The following NDC80 variants were observed in gnomAD, a reference collection of about 807,000 sequenced individuals.
NDC80 encodes the protein kinetochore protein NDC80 homolog.
NDC80 carries 69 observed loss-of-function variants against 89.3 expected under a neutral mutation model. The observed-to-expected ratio is 0.77, with a 90% CI of 0.64 to 0.94. The LOEUF is 0.94. Among genes scored for constraint, NDC80 ranks in the 40% least tolerant of loss-of-function variants. The probability of loss-of-function intolerance (pLI) is 0.00; values close to 1 mark genes in which losing one functional copy is unlikely to be tolerated. For synonymous variants in NDC80, 243 were observed against 255.6 expected (o/e 0.95, Z 0.47); for missense variants, 593 against 739.6 (o/e 0.80, Z 2.30).
In NDC80 at chr18:2,587,880, C is replaced by T. The variant is rs771748507; in HGVS notation, c.720C>T (p.Ala240=). Residue 240 remains alanine (A), a synonymous_variant, in exon 8 of 17, where the codon GCC becomes GCT. Transcript: ENST00000261597. Reference sequence around the variant, plus strand: ...GCTATGAGAGTTTTATGAGTGGTGCCGACAGCTTTGATGAGATGAATGCAG... The same window carrying T: ...GCTATGAGAGTTTTATGAGTGGTGCTGACAGCTTTGATGAGATGAATGCAG... ...IKCYESFMSG[A]DSFDEMNAEL... is the part of the protein sequence containing the mutation. The T allele has an allele frequency of 6.2e-6, 10 of 1,613,478 alleles. 1 individual carries two copies. The highest frequency in any genetic ancestry group is 4.4e-5 in the South Asian group (4 of 91,056).
rs577546909 is a variant in NDC80 at position 2,598,084 on chromosome 18, A to C, written c.1222-935A>C. Among the ~76,000 whole-genome samples, 143 of 151,320 alleles carry C rather than the reference A, an allele frequency of 9.5e-4. 1 individual carries two copies. Among genetic ancestry groups the C allele is most frequent in the Non-Finnish European group, 1.5e-4 (10 of 68,018 alleles). On this transcript the variant is annotated intron_variant, in intron 11 of 16. Transcript: ENST00000261597. ...CATTTAATGTATAAGTAATAAGCCC[A>C]AAATTTAATGTATAAGTAATATTGC...
chr18:2,589,590 C>G (rs988610776), intron 9 of NDC80, among the ~76,000 whole-genome samples: 1 of 152,102 alleles, frequency 6.6e-6, no homozygotes, highest in Admixed American at 6.5e-5. Flanking sequence ...AACAAAGGCC[C>G]TGTGTTATAT....
At chr18:2,573,150 A>G in intron 2 of NDC80, 64 bp downstream of exon 2, 1 of 1,307,762 alleles carries the variant, frequency 7.6e-7, no homozygotes, top group Non-Finnish European at 1.1e-6. Flanking sequence ...AAATCATAAG[A>G]AATAGTTAAT....
chr18:2,582,007 GTTCC>G (rs1298619734), intron 6 of NDC80: 2 of 151,964 alleles, frequency 1.3e-5, no homozygotes, highest in Non-Finnish European at 2.9e-5. Context: ...CATCTTTTTT[GTTCC>G]TTCATTAAGA....
At position 2,585,447 on chromosome 18, in the gene NDC80, A is replaced by C. The variant is rs537347726; in HGVS notation, c.669+245A>C. ...AGTTGGGCAAAATTAATCTAACACA[A>C]AGCGTATTTTATAATAAAGTATTGA... On this transcript the variant is annotated intron_variant, in intron 7 of 16. Transcript: ENST00000261597. Among the ~76,000 whole-genome samples, 3 of 152,330 alleles carry C rather than the reference A, an allele frequency of 2.0e-5. No homozygotes were observed. In the East Asian group the frequency reaches 5.8e-4, roughly 29 times the overall value.
chr18:2,607,567 G>A (rs906908731), intron 14 of NDC80, among the ~76,000 whole-genome samples: 3 of 152,062 alleles, frequency 2.0e-5, no homozygotes, highest in African/African-American at 7.2e-5. Flanking sequence ...CTTCACTACT[G>A]AATTCTAGTC....
chr18:2,581,584 A>C (rs2072578402), intron 6 of NDC80, among the ~76,000 whole-genome samples: 1 of 152,246 alleles, frequency 6.6e-6, no homozygotes, highest in African/African-American at 2.4e-5. Flanking sequence ...ATTTGAACCC[A>C]GGAGGTGGAG....
chr18:2,576,844 C>A (rs1313607393), intron 3 of NDC80, among the ~76,000 whole-genome samples: 1 of 152,060 alleles, frequency 6.6e-6, no homozygotes, highest in African/African-American at 2.4e-5. Flanking sequence ...AAAATTAAGA[C>A]AATAAATTAT....
At position 2,587,816 on chromosome 18, in the gene NDC80, G is replaced by C. The variant is rs746336051; in HGVS notation, c.670-14G>C. On this transcript the variant is annotated splice_polypyrimidine_tract_variant and intron_variant, in intron 7 of 16. Transcript: ENST00000261597. ...AATCATAACTTTGTTTCTAAAATCTGCTTAACCCCATAGTTGTTTTTGGAC... is the reference window on the plus strand; with the variant it reads ...AATCATAACTTTGTTTCTAAAATCTCCTTAACCCCATAGTTGTTTTTGGAC... 5.0e-6 allele frequency: 8 copies of C among 1,600,776 alleles called. No homozygotes were observed. In the Admixed American group the frequency reaches 1.3e-4, roughly 27 times the overall value.
In NDC80 at chr18:2,595,433, A is replaced by G; in HGVS notation, c.1033A>G (p.Ile345Val). The change falls in exon 11 of 17, where the codon ATA (isoleucine) becomes GTA (valine). Residue 345 changes from isoleucine (I) to valine (V), a missense_variant. Physicochemically the swap from Ile to Val is conservative, Grantham distance 29. Transcript: ENST00000261597. ...IARVELECET[I>V]KQENTRLQNI... ...CAACACAGAACTAGAATGTGAAACA[A>G]TAAAACAGGAGAACACTCGACTACA... is the stretch of plus-strand genomic sequence containing the variant. 6.2e-7 allele frequency: 1 copy of G among 1,613,658 alleles called. No individual in the cohort carries two copies. The highest frequency in any genetic ancestry group is 1.3e-5 in the African/African-American group (1 of 75,032).
chr18:2,583,347 A>G (rs2072587690), intron 6 of NDC80, among the ~76,000 whole-genome samples: 1 of 152,144 alleles, frequency 6.6e-6, no homozygotes, highest in Admixed American at 6.5e-5. Flanking sequence ...CCTGATGACA[A>G]GATATAAGAT....
In NDC80 at chr18:2,580,731, A is replaced by ATTTTTTTTTTTTTTTTTTTTTT. The variant is rs71365186; in HGVS notation, c.579+1710_579+1731dup. Among the ~76,000 whole-genome samples, 37 of 55,452 alleles carry ATTTTTTTTTTTTTTTTTTTTTT rather than the reference A, an allele frequency of 6.7e-4. 8 individuals carry two copies. Among genetic ancestry groups the ATTTTTTTTTTTTTTTTTTTTTT allele is most frequent in the Non-Finnish European group, 1.0e-3 (29 of 28,502 alleles). 36.4% of individuals were successfully genotyped at this position (55,452 alleles called of 152,430 possible). A position where few individuals can be genotyped will look rare whatever the true frequency, so the allele number is the denominator to read the frequency against. ...ACTACTTTTTTGGTCTCACCATCAGATTTTTTTTTTTTTTTTTTTTTTTTT... is the reference window on the plus strand; with the variant it reads ...ACTACTTTTTTGGTCTCACCATCAGATTTTTTTTTTTTTTTTTTTTTTTTTTTTTTTTTTTTTTTTTTTTTTT... On this transcript the variant is annotated intron_variant, in intron 6 of 16. Coordinates refer to ENST00000261597, the MANE Select transcript of NDC80 (RefSeq NM_006101.3).
chr18:2,578,238 T>C (rs1240250650), intron 5 of NDC80, 97 bp downstream of exon 5: 1 of 1,185,456 alleles, frequency 8.4e-7, no homozygotes, highest in African/African-American at 1.5e-5. Context: ...AGAAATAATA[T>C]GTTTTAAGAT....
At chr18:2,604,951 A>G (rs753328689) in intron 13 of NDC80, among the ~76,000 whole-genome samples, 9 of 152,216 alleles carry the variant, frequency 5.9e-5, no homozygotes, top group Admixed American at 3.3e-4. Flanking sequence ...TAAGAGACCT[A>G]TCAATATCCT....
At chr18:2,585,816 C>T (rs1332589969) in intron 7 of NDC80, among the ~76,000 whole-genome samples, 1 of 151,946 alleles carries the variant, frequency 6.6e-6, no homozygotes, top group African/African-American at 2.4e-5. Flanking sequence ...ATGTTATAGA[C>T]GTAATGTTTC....
chr18:2,582,795 T>C (rs1461462259), intron 6 of NDC80: 1 of 152,230 alleles, frequency 6.6e-6, no homozygotes, highest in Non-Finnish European at 1.5e-5. Flanking sequence ...TATTCATTTG[T>C]TATGCTCCTA....
chr18:2,577,936 A>G (rs754526254), intron 4 of NDC80, 33 bp from the exon 5 acceptor site: 16 of 1,609,430 alleles, frequency 9.9e-6, no homozygotes, highest in Non-Finnish European at 1.0e-5. Flanking sequence ...TTTCCATTAC[A>G]AAACGTTTGG....
At position 2,614,557 on chromosome 18, in the gene NDC80, AAG is replaced by A. The variant is rs1568015983; in HGVS notation, c.1792-1879_1792-1878del. The A allele has an allele frequency of 4.9e-3, 22 of 4,472 alleles. 10 individuals are homozygous for A. Among genetic ancestry groups the A allele is most frequent in the African/African-American group, 0.028 (22 of 776 alleles). The allele number at this position is 4,472 out of a possible 1,614,324, so 0.3% of individuals were successfully genotyped here. Reference sequence around the variant, plus strand: ...GAAGGAAGGAAGGAAGGAAGGAAGGAAGGAAGGGAAAGAAAGAAAGAAAGAAA... The same window carrying A: ...GAAGGAAGGAAGGAAGGAAGGAAGGAGAAGGGAAAGAAAGAAAGAAAGAAA... On this transcript the variant is annotated intron_variant, in intron 16 of 16. Coordinates refer to ENST00000261597, the MANE Select transcript of NDC80 (RefSeq NM_006101.3).
intron 6 of NDC80, among the ~76,000 whole-genome samples, chr18:2,584,352 GATAAT>G (rs1211854129): frequency 6.7e-6 from 1 of 149,378 alleles, no homozygotes; most frequent in African/African-American, 2.5e-5. Context: ...GATATTAATA[GATAAT>G]ATATTTATAT....
Sources: allele counts gnomAD v4.1 joint callset (sites outside exome capture counted in the v4.1 genomes callset), GRCh38; gene constraint gnomAD v4.1.1; transcripts MANE v1.5; gene names NCBI Gene and HGNC (gene_info 2026-07-23, HGNC 2026-07-21).